The following XIST variants were observed in gnomAD, a reference collection of about 807,000 sequenced individuals.
The protein encoded by XIST is X inactive specific transcript (non-protein coding).
chrX:73,836,286 T>C (rs909287327), intron 2 of XIST, among the ~76,000 whole-genome samples: 1 of 112,392 alleles, frequency 8.9e-6, no homozygotes, highest in Admixed American at 9.5e-5. Context: ...CTGCAACCTA[T>C]TTTACGTTTC....
chrX:73,833,299 C>T (rs765631421), exon 3 of XIST: 1 of 558,550 alleles, frequency 1.8e-6, no homozygotes, highest in Non-Finnish European at 3.2e-6. Flanking sequence ...GCCAGATTCT[C>T]AAAGGGAAAG....
chrX:73,834,913 G>A (rs1338407300), intron 2 of XIST, among the ~76,000 whole-genome samples: 1 of 106,824 alleles, frequency 9.4e-6, no homozygotes, highest in Non-Finnish European at 1.9e-5. Context: ...AGAATTGCTT[G>A]ATCATGGGGG....
intron 2 of XIST, among the ~76,000 whole-genome samples, chrX:73,836,553 AAT>A (rs1410408635): frequency 1.8e-5 from 2 of 111,860 alleles, no homozygotes; most frequent in Non-Finnish European, 3.8e-5. Context: ...CATTTAGTTT[AAT>A]ATAGATACAG....
chrX:73,827,310 C>T (rs772264951), exon 6 of XIST: 2 of 556,239 alleles, frequency 3.6e-6, no homozygotes, highest in Non-Finnish European at 6.5e-6. Context: ...CGTACACTTG[C>T]CCACATATGC....
In XIST at chrX:73,845,630, G is replaced by A; in HGVS notation, n.7094C>T. 5.4e-6 allele frequency: 3 copies of A among 556,801 alleles called. No individual in the cohort carries two copies. In the Admixed American group the frequency reaches 6.7e-5, roughly 12 times the overall value. 45.9% of individuals were successfully genotyped at this position (556,801 alleles called of 1,213,427 possible). A position where few individuals can be genotyped will look rare whatever the true frequency, so the allele number is the denominator to read the frequency against. ...GGTGATTCAGTACCCCTGCTGTACT[G>A]CAAAGGGCATCTGAGAGTAGGACCT... is the stretch of plus-strand genomic sequence containing the variant. On this transcript the variant is annotated non_coding_transcript_exon_variant, in exon 1 of 6. Coordinates refer to ENST00000429829, the Ensembl canonical transcript of XIST.
chrX:73,834,993 CAA>C (rs60685637), intron 2 of XIST, among the ~76,000 whole-genome samples: 4 of 75,643 alleles, frequency 5.3e-5, no homozygotes, highest in Non-Finnish European at 5.3e-5. Context: ...AACTCCGTCT[CAA>C]AAAAAAAAAA....
exon 1 of XIST, chrX:73,845,580 A>G (rs766298626): frequency 1.3e-5 from 7 of 554,157 alleles, no homozygotes; most frequent in South Asian, 6.7e-5. Flanking sequence ...AATCACACAC[A>G]TAACAGGCCA....
chrX:73,822,358 T>C (rs1922141126), exon 6 of XIST: 1 of 540,112 alleles, frequency 1.9e-6, no homozygotes, highest in African/African-American at 2.3e-5. Context: ...ACAATGTTAT[T>C]TAGGGACTAA....
intron 3 of XIST, among the ~76,000 whole-genome samples, chrX:73,831,622 A>G (rs1429129812): frequency 9.0e-6 from 1 of 111,446 alleles, no homozygotes; most frequent in Non-Finnish European, 1.9e-5. Flanking sequence ...TGTTCTCAGC[A>G]CAAAATATAG....
At chrX:73,825,062 T>C (rs1160765638) in exon 6 of XIST, 14 of 513,280 alleles carry the variant, frequency 2.7e-5, no homozygotes, top group Non-Finnish European at 4.9e-5. Context: ...TGCACCTTTC[T>C]GAAATTTTTT....
exon 6 of XIST, chrX:73,825,620 A>T (rs2147696322): frequency 1.9e-6 from 1 of 512,984 alleles, no homozygotes; most frequent in African/African-American, 2.3e-5. Context: ...AAAACTAAGA[A>T]TGATTTTGAC....
chrX:73,843,286 G>C, exon 1 of XIST: 1 of 558,627 alleles, frequency 1.8e-6, no homozygotes, highest in Non-Finnish European at 3.2e-6. Context: ...AGTACAAGGG[G>C]CCTTAGTGGG....
exon 1 of XIST, chrX:73,845,974 G>A: frequency 1.8e-6 from 1 of 554,250 alleles, no homozygotes; most frequent in Admixed American, 2.2e-5. Context: ...CAGATGGAAT[G>A]GGCAAAGTGG....
exon 1 of XIST, chrX:73,845,586 G>A (rs1173401015): frequency 7.2e-6 from 4 of 553,951 alleles, no homozygotes; most frequent in Non-Finnish European, 1.3e-5. Context: ...ACACATAACA[G>A]GCCAAGAAAA....
chrX:73,847,536 T>A (rs1275774041), exon 1 of XIST: 4 of 514,044 alleles, frequency 7.8e-6, no homozygotes, highest in Non-Finnish European at 1.4e-5. Flanking sequence ...CAATTTTGCA[T>A]AATAGAAATT....
At chrX:73,849,397 T>C (rs1350382928) in exon 1 of XIST, 2 of 557,180 alleles carry the variant, frequency 3.6e-6, no homozygotes, top group African/African-American at 2.2e-5. Context: ...TATTGGCAAT[T>C]AGAATTTTAC....
intron 3 of XIST, chrX:73,831,450 A>G (rs1922379370): frequency 2.7e-6 from 1 of 375,578 alleles, no homozygotes. Context: ...TTAGCAAAAA[A>G]AAAAAAAATT....
exon 6 of XIST, chrX:73,823,914 C>A (rs1419318689): frequency 1.8e-6 from 1 of 554,258 alleles, no homozygotes; most frequent in Non-Finnish European, 3.3e-6. Context: ...TAGTTCCGAG[C>A]CCCACAGAAA....
chrX:73,851,184 C>A (rs1297527784), exon 1 of XIST: 3 of 558,188 alleles, frequency 5.4e-6, no homozygotes, highest in Non-Finnish European at 9.7e-6. Flanking sequence ...TCCCGCTCTG[C>A]GTGGCACTAG....
Sources: gnomAD v4.1 joint callset for allele counts (sites outside exome capture counted in the v4.1 genomes callset) on GRCh38, gnomAD v4.1.1 for gene constraint, MANE v1.5 for transcripts, NCBI Gene and HGNC (gene_info 2026-07-23, HGNC 2026-07-21) for gene names.